DIP2C: variants seen among roughly 807,000 people sequenced by gnomAD.
DIP2C encodes the protein disco-interacting protein 2 homolog C.
In DIP2C, 33 loss-of-function variants were observed where a neutral mutation model predicts 192.4. The ratio of observed to expected loss-of-function variants is 0.17; its 90% CI spans 0.13 to 0.23. DIP2C has a LOEUF of 0.23. Ranked by LOEUF, DIP2C falls within the 10% of genes least tolerant of loss-of-function variation. DIP2C has a pLI of 1.00. For missense variants in DIP2C, 1,537 were observed against 2,110.1 expected (o/e 0.73, Z 5.32); for synonymous variants, 979 against 864.1 (o/e 1.13, Z -2.33).
In DIP2C at chr10:689,589, C is replaced by T. The variant is rs1831471331; in HGVS notation, c.-11G>A. ...GCTGCGGTCCGCCATGCTCCGCGGG[C>T]GCCGCGCCCCGCACGGCCTCCTCTT... On this transcript the variant is annotated 5_prime_UTR_variant, in exon 1 of 37. Transcript: ENST00000280886. This position sits in a 1 kb window ranked among gnomAD's most constrained non-coding sequence, Gnocchi z 6.1. 8.7e-7 allele frequency: 1 copy of T among 1,148,738 alleles called. No homozygotes were observed. The allele number at this position is 1,148,738 out of a possible 1,614,324, so 71.2% of individuals were successfully genotyped here. A position where few individuals can be genotyped will look rare whatever the true frequency, so the allele number is the denominator to read the frequency against.
intron 1 of DIP2C, among the ~76,000 whole-genome samples, chr10:508,136 G>A (rs866398211): frequency 2.0e-5 from 3 of 151,832 alleles, no homozygotes; most frequent in Middle Eastern, 3.4e-3. Flanking sequence ...ACGCCACAGA[G>A]GAGCTCGTGC....
intron 10 of DIP2C, among the ~76,000 whole-genome samples, chr10:393,815 A>G (rs1963707817): frequency 6.7e-6 from 1 of 149,062 alleles, no homozygotes; most frequent in South Asian, 2.1e-4. Context: ...AAGAAAAAGA[A>G]AAAGGAAAAG....
intron 1 of DIP2C, chr10:650,653 C>T (rs529936221): frequency 9.7e-6 from 6 of 619,808 alleles, no homozygotes; most frequent in Non-Finnish European, 1.8e-5. Flanking sequence ...GAAGCCATTC[C>T]ACAGCACGTG....
intron 1 of DIP2C, among the ~76,000 whole-genome samples, chr10:492,549 T>C (rs1182756350): frequency 1.3e-5 from 2 of 152,234 alleles, no homozygotes; most frequent in Non-Finnish European, 2.9e-5. Flanking sequence ...ACATTATTTA[T>C]TGTTATTTAG....
chr10:302,156 C>G (rs1189149407), intron 32 of DIP2C, among the ~76,000 whole-genome samples: 7 of 152,030 alleles, frequency 4.6e-5, no homozygotes, highest in Non-Finnish European at 8.8e-5. Flanking sequence ...ATTGTATATC[C>G]ATGTAAAGGT....
chr10:519,347 G>A (rs1043422794), intron 1 of DIP2C, among the ~76,000 whole-genome samples: 2 of 152,230 alleles, frequency 1.3e-5, no homozygotes, highest in East Asian at 1.9e-4. Context: ...AGACCCCCGG[G>A]GGCTGGATGG....
In DIP2C at chr10:283,591, C is replaced by A. The variant is rs150522756; in HGVS notation, c.4120-145G>T. ...TGAATAACCAAGATGATGTTAATCT[C>A]ATTCGGGTTTCTCGAGAGACACACA... On this transcript the variant is annotated intron_variant, in intron 34 of 36. Coordinates refer to ENST00000280886, the MANE Select transcript of DIP2C (RefSeq NM_014974.3). 322 of 1,101,882 alleles carry A rather than the reference C, an allele frequency of 2.9e-4. 2 individuals carry two copies. The African/African-American group carries it at 4.0e-3, about 14-fold the overall frequency. 68.3% of individuals were successfully genotyped at this position (1,101,882 alleles called of 1,614,324 possible).
At chr10:320,138 T>C (rs1956943419) in intron 31 of DIP2C, among the ~76,000 whole-genome samples, 1 of 152,190 alleles carries the variant, frequency 6.6e-6, no homozygotes, top group South Asian at 2.1e-4. Context: ...AGGGGTTCAT[T>C]TTGAGAAAAT....
intron 1 of DIP2C, among the ~76,000 whole-genome samples, chr10:598,892 T>G (rs1228762396): frequency 6.6e-6 from 1 of 152,204 alleles, no homozygotes; most frequent in Non-Finnish European, 1.5e-5. Flanking sequence ...TAGAGCCATG[T>G]GAATAGTTAC....
intron 17 of DIP2C, among the ~76,000 whole-genome samples, chr10:374,597 G>A (rs563588302): frequency 2.6e-5 from 4 of 152,212 alleles, no homozygotes; most frequent in Non-Finnish European, 4.4e-5. Flanking sequence ...TGACCACAGC[G>A]CCAAGCTGCT....
chr10:473,830 C>G (rs966567068), intron 2 of DIP2C, among the ~76,000 whole-genome samples: 2 of 152,186 alleles, frequency 1.3e-5, no homozygotes, highest in Non-Finnish European at 2.9e-5. Context: ...CCATGATGGG[C>G]TCTTATGAGA....
Position 596,054 on chromosome 10 carries a change from C to T in DIP2C, c.85+93440G>A, listed in dbSNP as rs186454567. On this transcript the variant is annotated intron_variant, in intron 1 of 36. Transcript: ENST00000280886. ...CTCAGACCCACTAAGGCCTGTTCCT[C>T]CGCCTCCCTCTGCTCAAACGGATAA... Among the ~76,000 whole-genome samples the T allele has an allele frequency of 1.2e-4, 18 of 152,286 alleles. No homozygotes were observed. In the East Asian group the frequency reaches 3.3e-3, roughly 28 times the overall value.
At chr10:304,983 GAA>G (rs1956241751) in intron 32 of DIP2C, among the ~76,000 whole-genome samples, 1 of 151,798 alleles carries the variant, frequency 6.6e-6, no homozygotes, top group South Asian at 2.1e-4. Flanking sequence ...GTACACATTT[GAA>G]AGTCACACAA....
chr10:337,506 AGTCTGTGT>A (rs1957893468), intron 29 of DIP2C, among the ~76,000 whole-genome samples: 1 of 125,958 alleles, frequency 7.9e-6, no homozygotes, highest in Non-Finnish European at 1.6e-5. Flanking sequence ...AGGCCTAGAC[AGTCTGTGT>A]GTGTGTGCGT....
intron 1 of DIP2C, among the ~76,000 whole-genome samples, chr10:548,464 G>GAGGGAGGGAGGCAGGC (rs531029893): frequency 3.5e-5 from 5 of 144,572 alleles, no homozygotes; most frequent in African/African-American, 1.0e-4. Context: ...GGGAGGGAGG[G>GAGGGAGGGAGGCAGGC]AGGCAGGCAG....
chr10:541,046 ATG>A (rs1847956637), intron 1 of DIP2C, among the ~76,000 whole-genome samples: 1 of 99,960 alleles, frequency 1.0e-5, no homozygotes, highest in Non-Finnish European at 1.9e-5. Context: ...ACAACACCCG[ATG>A]CTGGGGAGCC....
chr10:688,819 G>C (rs992516715), intron 1 of DIP2C, among the ~76,000 whole-genome samples: 2 of 152,270 alleles, frequency 1.3e-5, no homozygotes, highest in African/African-American at 4.8e-5. Flanking sequence ...AGGACGGCAA[G>C]GCCGGAGCCC....
chr10:567,322 G>A (rs1412721868), intron 1 of DIP2C, among the ~76,000 whole-genome samples: 2 of 152,078 alleles, frequency 1.3e-5, no homozygotes, highest in African/African-American at 2.4e-5. Flanking sequence ...CTGAATAGCT[G>A]GGATTACAAC....
At chr10:338,697 G>T (rs760893972) in intron 29 of DIP2C, among the ~76,000 whole-genome samples, 8 of 152,134 alleles carry the variant, frequency 5.3e-5, no homozygotes, top group Non-Finnish European at 1.0e-4. Context: ...TTCCCCACAC[G>T]GAGCCGATCT....
Sources: gnomAD v4.1 joint callset for allele counts (sites outside exome capture counted in the v4.1 genomes callset) on GRCh38, gnomAD v4.1.1 for gene constraint, Gnocchi (gnomAD v3.1) non-coding constraint, MANE v1.5 for transcripts, NCBI Gene and HGNC (gene_info 2026-07-23, HGNC 2026-07-21) for gene names.